Variants in C1orf94 observed in about 807,000 individuals in gnomAD.
The protein encoded by C1orf94 is chromosome 1 open reading frame 94, also known as uncharacterized protein C1orf94.
In C1orf94, 45 loss-of-function variants were observed where a neutral mutation model predicts 53.6. The ratio of observed to expected loss-of-function variants is 0.84; its 90% CI spans 0.66 to 1.08. C1orf94 has a LOEUF of 1.08. Ranked by LOEUF, C1orf94 falls within the 50% of genes least tolerant of loss-of-function variation. The probability of loss-of-function intolerance (pLI) is 0.00; values close to 1 mark genes in which losing one functional copy is unlikely to be tolerated. For missense variants in C1orf94, 762 were observed against 738.9 expected (o/e 1.03, Z -0.36); for synonymous variants, 304 against 296.1 (o/e 1.03, Z -0.27).
intron 4 of C1orf94, among the ~76,000 whole-genome samples, chr1:34,207,025 C>T (rs971366447): frequency 2.6e-5 from 4 of 152,140 alleles, no homozygotes; most frequent in Admixed American, 6.5e-5. Context: ...AGAAAGTCCA[C>T]AGGCCATGAG....
intron 1 of C1orf94, among the ~76,000 whole-genome samples, chr1:34,195,698 T>A (rs906411312): frequency 2.0e-5 from 3 of 152,098 alleles, no homozygotes; most frequent in Non-Finnish European, 4.4e-5. Flanking sequence ...CCATTCTGAT[T>A]GACTGTTAAA....
chr1:34,183,715 G>A (rs1642343880), intron 1 of C1orf94, among the ~76,000 whole-genome samples: 2 of 152,100 alleles, frequency 1.3e-5, no homozygotes, highest in Non-Finnish European at 2.9e-5. Context: ...AATCAGCTGA[G>A]CGTGGTGGCA....
rs10914883 is a variant in C1orf94 at position 34,215,764 on chromosome 1, C to T, written c.1722-2922C>T. Among the ~76,000 whole-genome samples, 901 of 152,230 alleles carry T rather than the reference C, an allele frequency of 5.9e-3. 8 individuals are homozygous for T. The highest frequency in any genetic ancestry group is 0.021 in the African/African-American group (857 of 41,518). On this transcript the variant is annotated intron_variant, in intron 6 of 6. Coordinates refer to ENST00000488417, the MANE Select transcript of C1orf94 (RefSeq NM_001134734.2). ...CTCACGCCTGTAATCCCAGCACTTT[C>T]GGAGACCGAGGTGGGTGGATCACTT...
At chr1:34,202,337 C>T in intron 4 of C1orf94, 78 bp downstream of exon 4, 1 of 1,492,920 alleles carries the variant, frequency 6.7e-7, no homozygotes, top group South Asian at 1.3e-5. Flanking sequence ...GGCAGGGGGT[C>T]TATTTCACAG....
At chr1:34,186,192 T>A (rs1166538419) in intron 1 of C1orf94, among the ~76,000 whole-genome samples, 2 of 152,226 alleles carry the variant, frequency 1.3e-5, no homozygotes, top group Non-Finnish European at 2.9e-5. Context: ...ACAGGTGGAT[T>A]AGAGTTCCAG....
intron 1 of C1orf94, among the ~76,000 whole-genome samples, chr1:34,182,886 G>C (rs980588952): frequency 3.9e-5 from 6 of 152,144 alleles, no homozygotes; most frequent in Non-Finnish European, 5.9e-5. Context: ...CGGCAAAAGG[G>C]TGTAGAGAAG....
Position 34,197,226 on chromosome 1 carries a change from G to A in C1orf94, c.322G>A (p.Ala108Thr). Residue 108 changes from alanine to threonine, a missense_variant and splice_region_variant, in exon 2 of 7, where the codon GCT (alanine) becomes ACT (threonine). Coordinates refer to ENST00000488417, the MANE Select transcript of C1orf94 (RefSeq NM_001134734.2). This position sits in a 1 kb window ranked among gnomAD's most constrained non-coding sequence, Gnocchi z 4.1. ...TCTGTCTCTCTGACCCATTTCCAGA[G>A]CTCTGGAGCTCAGCAGTGGCAAAGA... Reference protein sequence around the residue: ...RGNELSFQEEALELSSGKDEI... With the variant: ...RGNELSFQEETLELSSGKDEI... 6.6e-7 allele frequency: 1 copy of A among 1,524,810 alleles called. No homozygotes were observed. The highest frequency in any genetic ancestry group is 1.7e-4 in the Middle Eastern group (1 of 5,864). 94.5% of individuals were successfully genotyped at this position (1,524,810 alleles called of 1,614,324 possible). A position where few individuals can be genotyped will look rare whatever the true frequency, so the allele number is the denominator to read the frequency against.
chr1:34,200,469 G>T (rs1246610137), intron 2 of C1orf94, among the ~76,000 whole-genome samples: 2 of 152,180 alleles, frequency 1.3e-5, no homozygotes, highest in Non-Finnish European at 2.9e-5. Flanking sequence ...CAGACAAATG[G>T]ATGGACAGAT....
chr1:34,215,074 G>A (rs566774586), intron 6 of C1orf94, among the ~76,000 whole-genome samples: 1 of 152,326 alleles, frequency 6.6e-6, no homozygotes, highest in Non-Finnish European at 1.5e-5. Context: ...TGGACAATAA[G>A]GAGATAAACA....
rs77522114 is a variant in C1orf94 at position 34,203,022 on chromosome 1, T to C, written c.1446+763T>C. Among the ~76,000 whole-genome samples, 1,505 of 152,364 alleles carry C rather than the reference T, an allele frequency of 9.9e-3. 25 individuals are homozygous for C. The highest frequency in any genetic ancestry group is 0.034 in the African/African-American group (1,414 of 41,582). On this transcript the variant is annotated intron_variant, in intron 4 of 6. Coordinates refer to ENST00000488417, the MANE Select transcript of C1orf94 (RefSeq NM_001134734.2). ...TACAGGAGCATGCGCATAAGCTACATGCAAATACTATGCCATTTTATATTA... is the reference window on the plus strand; with the variant it reads ...TACAGGAGCATGCGCATAAGCTACACGCAAATACTATGCCATTTTATATTA...
At chr1:34,169,533 G>A (rs558252434) in intron 1 of C1orf94, among the ~76,000 whole-genome samples, 2 of 151,064 alleles carry the variant, frequency 1.3e-5, no homozygotes, top group South Asian at 4.2e-4. Flanking sequence ...AGGAGGAGCT[G>A]TAGACTTGAT....
intron 1 of C1orf94, among the ~76,000 whole-genome samples, chr1:34,188,356 TA>T (rs1642420180): frequency 6.6e-6 from 1 of 152,146 alleles, no homozygotes; most frequent in Admixed American, 6.5e-5. Context: ...CAGGGACAAT[TA>T]AAAAAATTTG....
chr1:34,171,239 T>A (rs1642141348), intron 1 of C1orf94, among the ~76,000 whole-genome samples: 1 of 152,198 alleles, frequency 6.6e-6, no homozygotes, highest in African/African-American at 2.4e-5. Context: ...ACTCTTGCAA[T>A]GAGCCATGCT....
chr1:34,218,154 G>A (rs559679708), intron 6 of C1orf94, among the ~76,000 whole-genome samples: 21 of 152,284 alleles, frequency 1.4e-4, no homozygotes, highest in African/African-American at 4.8e-4. Flanking sequence ...GGCACTCAGT[G>A]ATGTCTCAAT....
chr1:34,214,556 C>A (rs1014363878), intron 6 of C1orf94, among the ~76,000 whole-genome samples: 1 of 152,180 alleles, frequency 6.6e-6, no homozygotes, highest in African/African-American at 2.4e-5. Flanking sequence ...CAACTTCCCA[C>A]ATTCTGTGCT....
At chr1:34,168,651 G>A (rs1160230142) in intron 1 of C1orf94, among the ~76,000 whole-genome samples, 2 of 152,208 alleles carry the variant, frequency 1.3e-5, no homozygotes, top group Non-Finnish European at 2.9e-5. Context: ...CGACACAGTT[G>A]GTTCCCTCTG....
In C1orf94 at chr1:34,218,736, C is replaced by T. The variant is rs764820431; in HGVS notation, c.1772C>T (p.Ser591Phe). Residue 591 changes from serine to phenylalanine, a missense_variant, in exon 7 of 7, where the codon TCC becomes TTC. By Grantham distance (155) the Ser-to-Phe change is radical (BLOSUM62 -2). Transcript: ENST00000488417. ...TTGATGCACAGCCCCTATTTTTCTT[C>T]CAGTGGGAATGGCATAAACTTTTAG... ...GPLMHSPYFSSSGNGINF is the reference protein window; with the variant it reads ...GPLMHSPYFSFSGNGINF 1 of 1,612,810 alleles carries T rather than the reference C, an allele frequency of 6.2e-7. No homozygotes were observed. Among genetic ancestry groups the T allele is most frequent in the Non-Finnish European group, 8.5e-7 (1 of 1,179,180 alleles).
At chr1:34,172,570 G>A (rs549605356), upstream of C1orf94, among the ~76,000 whole-genome samples, 30 of 152,284 alleles carry the variant, frequency 2.0e-4, no homozygotes, top group African/African-American at 6.7e-4. Context: ...CAATTCAAGT[G>A]TGTCAGCTGC....
At chr1:34,202,547 C>T (rs1398203123) in intron 4 of C1orf94, among the ~76,000 whole-genome samples, 3 of 152,190 alleles carry the variant, frequency 2.0e-5, no homozygotes, top group African/African-American at 2.4e-5. Context: ...TTTCCATTGT[C>T]CGAATTCCAG....
Sources: gnomAD v4.1 joint callset for allele counts (sites outside exome capture counted in the v4.1 genomes callset) on GRCh38, gnomAD v4.1.1 for gene constraint, Gnocchi (gnomAD v3.1) non-coding constraint, MANE v1.5 for transcripts, NCBI Gene and HGNC (gene_info 2026-07-23, HGNC 2026-07-21) for gene names.